AGBL4: variants seen among roughly 807,000 people sequenced by gnomAD.
AGBL4 encodes cytosolic carboxypeptidase 6.
AGBL4 carries 58 observed loss-of-function variants against 66.4 expected under a neutral mutation model. The ratio of observed to expected loss-of-function variants is 0.87; its 90% CI spans 0.71 to 1.09. AGBL4 has a LOEUF of 1.09. AGBL4 is among the 50% of genes least tolerant of loss of function. The pLI, the probability that AGBL4 is intolerant of heterozygous loss-of-function variation, is 0.00. For synonymous variants in AGBL4, 234 were observed against 222.9 expected (o/e 1.05, Z -0.44); for missense variants, 579 against 631.0 (o/e 0.92, Z 0.88).
intron 6 of AGBL4, among the ~76,000 whole-genome samples, chr1:48,791,967 G>C (rs1645562901): frequency 6.6e-6 from 1 of 152,156 alleles, no homozygotes; most frequent in African/African-American, 2.4e-5. Flanking sequence ...TTTTTAATGG[G>C]TGTTATGGGT....
intron 6 of AGBL4, among the ~76,000 whole-genome samples, chr1:48,780,642 A>T (rs527249933): frequency 6.6e-6 from 1 of 152,326 alleles, no homozygotes; most frequent in South Asian, 2.1e-4. Flanking sequence ...CAACCATCTG[A>T]TGTTTGACAA....
At chr1:49,519,319 T>C (rs887195946) in intron 3 of AGBL4, among the ~76,000 whole-genome samples, 2 of 152,022 alleles carry the variant, frequency 1.3e-5, no homozygotes, top group African/African-American at 2.4e-5. Context: ...ATAAGTGAGA[T>C]AGAACATCTG....
chr1:49,200,771 C>T (rs978853986), intron 4 of AGBL4, among the ~76,000 whole-genome samples: 3 of 152,186 alleles, frequency 2.0e-5, no homozygotes, highest in Non-Finnish European at 4.4e-5. Context: ...AATCTGTAAA[C>T]TCCCTGAACC....
intron 9 of AGBL4, among the ~76,000 whole-genome samples, chr1:48,633,526 C>T (rs1223271232): frequency 2.0e-5 from 3 of 152,298 alleles, no homozygotes; most frequent in South Asian, 4.1e-4. Context: ...ATTGAGTCTC[C>T]TCTGTGCACC....
At chr1:48,831,716 T>C (rs1646556874) in intron 6 of AGBL4, among the ~76,000 whole-genome samples, 1 of 152,228 alleles carries the variant, frequency 6.6e-6, no homozygotes, top group Non-Finnish European at 1.5e-5. Flanking sequence ...TGACATGAGT[T>C]GGGTGAGGTT....
chr1:49,793,604 T>C (rs1644658181), intron 2 of AGBL4, among the ~76,000 whole-genome samples: 1 of 151,912 alleles, frequency 6.6e-6, no homozygotes, highest in African/African-American at 2.4e-5. Flanking sequence ...AACATAATGA[T>C]GGGGAATGGG....
intron 3 of AGBL4, among the ~76,000 whole-genome samples, chr1:49,650,012 T>G (rs937276521): frequency 3.9e-5 from 6 of 152,204 alleles, no homozygotes; most frequent in African/African-American, 1.4e-4. Flanking sequence ...AAAATTACAG[T>G]ATTGAAGGCA....
intron 3 of AGBL4, among the ~76,000 whole-genome samples, chr1:49,356,734 A>G (rs148068370): frequency 3.4e-4 from 52 of 152,326 alleles, no homozygotes; most frequent in Non-Finnish European, 4.4e-4. Flanking sequence ...TTAGTGCTGA[A>G]GGTTTGTTGA....
intron 7 of AGBL4, among the ~76,000 whole-genome samples, chr1:48,658,869 G>T (rs959181345): frequency 2.1e-5 from 3 of 140,342 alleles, no homozygotes; most frequent in Non-Finnish European, 4.7e-5. Flanking sequence ...GTGTGTGTGT[G>T]TGTATCCACA....
chr1:48,791,014 G>A (rs557334157), intron 6 of AGBL4, among the ~76,000 whole-genome samples: 1 of 152,316 alleles, frequency 6.6e-6, no homozygotes, highest in Non-Finnish European at 1.5e-5. Flanking sequence ...CTCACCAGAT[G>A]TAGCCCCTTA....
At chr1:49,367,118 C>G (rs1644254953) in intron 3 of AGBL4, among the ~76,000 whole-genome samples, 2 of 152,240 alleles carry the variant, frequency 1.3e-5, no homozygotes, top group South Asian at 4.2e-4. Context: ...AACAAACAAA[C>G]AAAGAAACAA....
At chr1:49,918,193 A>G (rs921687978) in intron 1 of AGBL4, among the ~76,000 whole-genome samples, 12 of 152,176 alleles carry the variant, frequency 7.9e-5, no homozygotes, top group Non-Finnish European at 4.4e-5. Flanking sequence ...GCAAGAGCAA[A>G]CACATTCAAA....
intron 3 of AGBL4, among the ~76,000 whole-genome samples, chr1:49,319,203 G>A (rs969087207): frequency 6.6e-6 from 1 of 152,036 alleles, no homozygotes; most frequent in Non-Finnish European, 1.5e-5. Context: ...TTGAAACCAC[G>A]ACTAACTTGT....
intron 9 of AGBL4, 107 bp from the exon 10 acceptor site, chr1:48,591,092 C>CG: frequency 2.8e-6 from 2 of 709,222 alleles, no homozygotes; most frequent in Non-Finnish European, 4.3e-6. Flanking sequence ...ACCCACCCAC[C>CG]CCCCCCCACA....
chr1:49,223,142 T>C (rs1649630283), intron 4 of AGBL4, among the ~76,000 whole-genome samples: 1 of 152,098 alleles, frequency 6.6e-6, no homozygotes, highest in Non-Finnish European at 1.5e-5. Context: ...TACAGAAAAA[T>C]AAATTTCAGT....
At chr1:49,672,974 T>C (rs936687809) in intron 3 of AGBL4, among the ~76,000 whole-genome samples, 1 of 150,922 alleles carries the variant, frequency 6.6e-6, no homozygotes, top group Non-Finnish European at 1.5e-5. Context: ...TGATAACCTT[T>C]AGCCCAAAAC....
chr1:49,004,962 C>T (rs1038779919), intron 5 of AGBL4, among the ~76,000 whole-genome samples: 3 of 152,124 alleles, frequency 2.0e-5, no homozygotes, highest in Non-Finnish European at 4.4e-5. Context: ...GTTTGATGAG[C>T]ACTGTTTCTC....
intron 1 of AGBL4, among the ~76,000 whole-genome samples, chr1:49,893,585 A>G: frequency 6.6e-6 from 1 of 152,186 alleles, no homozygotes; most frequent in East Asian, 1.9e-4. Flanking sequence ...ATAGCCTGAC[A>G]GTACTCCCTG....
chr1:49,295,472 A>G (rs945287249), intron 3 of AGBL4, among the ~76,000 whole-genome samples: 8 of 152,200 alleles, frequency 5.3e-5, no homozygotes, highest in African/African-American at 1.9e-4. Flanking sequence ...GGATAATATA[A>G]AACATTTCAG....
Sources: allele counts gnomAD v4.1 joint callset (sites outside exome capture counted in the v4.1 genomes callset), GRCh38; gene constraint gnomAD v4.1.1; transcripts MANE v1.5; gene names NCBI Gene and HGNC (gene_info 2026-07-23, HGNC 2026-07-21).